The following TGFBRAP1 variants were observed in gnomAD, a reference collection of about 807,000 sequenced individuals.
The protein encoded by TGFBRAP1 is transforming growth factor beta receptor associated protein 1, also known as transforming growth factor-beta receptor-associated protein 1.
In TGFBRAP1, 20 loss-of-function variants were observed where a neutral mutation model predicts 83.2. The observed-to-expected ratio is 0.24, with a 90% confidence interval of 0.17 to 0.35. TGFBRAP1 has a LOEUF of 0.35. TGFBRAP1 is among the 10% of genes least tolerant of loss of function. The probability of loss-of-function intolerance (pLI) is 1.00; values close to 1 mark genes in which losing one functional copy is unlikely to be tolerated. For synonymous variants in TGFBRAP1, 415 were observed against 459.8 expected (o/e 0.90, Z 1.25); for missense variants, 950 against 1,099.4 (o/e 0.86, Z 1.92).
In TGFBRAP1 at chr2:105,307,734, T is replaced by C. The variant is rs562380327; in HGVS notation, c.568A>G (p.Ile190Val). 2 of 1,614,096 alleles carry C rather than the reference T, an allele frequency of 1.2e-6. No individual in the cohort carries two copies. Among genetic ancestry groups the C allele is most frequent in the East Asian group, 4.5e-5 (2 of 44,862 alleles). ...GAGACGCCTGTGCTGTAATTGTGGATGATGTACTGAGTGGTCAGAGCCAGA... is the reference window on the plus strand; with the variant it reads ...GAGACGCCTGTGCTGTAATTGTGGACGATGTACTGAGTGGTCAGAGCCAGA... ...LCLALTTQYI[I>V]HNYSTGVSQD... is the part of the protein sequence containing the mutation. Residue 190 changes from isoleucine (I) to valine (V), a missense_variant, in exon 2 of 12, where the codon ATC becomes GTC. By Grantham distance (29) the Ile-to-Val change is conservative. Transcript: ENST00000393359.
the TGFBRAP1 span, among the ~76,000 whole-genome samples, chr2:105,256,617 C>T: frequency 6.6e-6 from 1 of 152,142 alleles, no homozygotes; most frequent in South Asian, 2.1e-4. Context: ...AATTTTAAGC[C>T]TGCCCCGCCC....
At chr2:105,280,325 G>A in intron 6 of TGFBRAP1, 57 bp downstream of exon 6, 3 of 1,542,046 alleles carry the variant, frequency 1.9e-6, no homozygotes, top group Non-Finnish European at 2.6e-6. Context: ...CCAGCAAAGA[G>A]CCTCAGTAAG....
chr2:105,275,332 C>G (rs1431710280), intron 8 of TGFBRAP1, among the ~76,000 whole-genome samples: 2 of 152,202 alleles, frequency 1.3e-5, no homozygotes, highest in Admixed American at 1.3e-4. Flanking sequence ...CTTGCCCCAG[C>G]AAGGGGATTC....
the TGFBRAP1 span, among the ~76,000 whole-genome samples, chr2:105,251,418 G>A: frequency 5.4e-5 from 8 of 149,176 alleles, no homozygotes; most frequent in Admixed American, 2.0e-4. Flanking sequence ...CTGCCCTGCC[G>A]CCCCGTCTGG....
chr2:105,290,677 T>C (rs1017555605), intron 4 of TGFBRAP1, among the ~76,000 whole-genome samples: 1 of 151,396 alleles, frequency 6.6e-6, no homozygotes, highest in Admixed American at 6.6e-5. Flanking sequence ...GTTTTCTTTG[T>C]GGATTCTGGG....
chr2:105,308,067 C>T lies in TGFBRAP1; in HGVS notation c.235G>A (p.Val79Met), dbSNP rs1168793919. 13 of 1,613,838 alleles carry T rather than the reference C, an allele frequency of 8.1e-6. No homozygotes were observed. The highest frequency in any genetic ancestry group is 1.1e-5 in the South Asian group (1 of 91,080). Residue 79 changes from valine (V) to methionine (M), a missense_variant, in exon 2 of 12, where the codon GTG becomes ATG. Coordinates refer to ENST00000393359, the MANE Select transcript of TGFBRAP1 (RefSeq NM_004257.6). Reference protein sequence around the residue: ...LQRHLGFKKPVNELRAASALN... With the variant: ...LQRHLGFKKPMNELRAASALN... ...GCTGAGGCCGCACGCAGCTCGTTCA[C>T]GGGCTTCTTGAAGCCCAAGTGTCTC...
chr2:105,255,764 CAAAGCCCACTG>C, the TGFBRAP1 span, among the ~76,000 whole-genome samples: 2 of 152,176 alleles, frequency 1.3e-5, no homozygotes, highest in African/African-American at 4.8e-5. Context: ...CCCTGCACCC[CAAAGCCCACTG>C]AAATCAAACC....
chr2:105,307,291 T>C (rs368967191), intron 2 of TGFBRAP1, among the ~76,000 whole-genome samples: 2 of 152,220 alleles, frequency 1.3e-5, no homozygotes, highest in African/African-American at 4.8e-5. Context: ...CTGCTATCTC[T>C]GAATTGTCTC....
chr2:105,316,726 A>C (rs917416854), intron 1 of TGFBRAP1, among the ~76,000 whole-genome samples: 2 of 151,826 alleles, frequency 1.3e-5, no homozygotes, highest in African/African-American at 4.8e-5. Context: ...ATGCAGGAGA[A>C]TCGTTTGAAC....
chr2:105,322,767 G>T (rs895804705), intron 1 of TGFBRAP1, among the ~76,000 whole-genome samples: 1 of 152,178 alleles, frequency 6.6e-6, no homozygotes, highest in African/African-American at 2.4e-5. Context: ...ATGTTCATAT[G>T]ATGACAAAAT....
chr2:105,276,607 A>AT (rs1379406859), intron 7 of TGFBRAP1, among the ~76,000 whole-genome samples: 1 of 152,218 alleles, frequency 6.6e-6, no homozygotes, highest in Non-Finnish European at 1.5e-5. Flanking sequence ...GATTTATCCC[A>AT]TATCACTTCA....
At chr2:105,251,920 T>C in the TGFBRAP1 span, among the ~76,000 whole-genome samples, 295 of 149,872 alleles carry the variant, frequency 2.0e-3, 1 homozygote, top group Middle Eastern at 6.8e-3. Flanking sequence ...CAAGATGTGC[T>C]TTGTTAAACA....
At position 105,296,466 on chromosome 2, in the gene TGFBRAP1, G is replaced by T. The variant is rs1678092277; in HGVS notation, c.928C>A (p.Pro310Thr). 6.2e-7 allele frequency: 1 copy of T among 1,613,994 alleles called. No homozygotes were observed. The highest frequency in any genetic ancestry group is 1.3e-5 in the African/African-American group (1 of 75,020). ...TGTATTTGTTTTTCCAAAGGTAATG[G>T]AACCAAGATGTAAACTCCTTTACTT... ...ATSKGVYILV[P>T]LPLEKQIQDL... is the part of the protein sequence containing the mutation. The change falls in exon 4 of 12, where the codon CCA (proline) becomes ACA (threonine). Residue 310 changes from proline (P) to threonine (T), a missense_variant. Transcript: ENST00000393359.
At chr2:105,257,608 A>T in the TGFBRAP1 span, among the ~76,000 whole-genome samples, 1 of 151,942 alleles carries the variant, frequency 6.6e-6, no homozygotes, top group Non-Finnish European at 1.5e-5. Context: ...CCTTTTTCAC[A>T]CTGAATAATA....
intron 1 of TGFBRAP1, among the ~76,000 whole-genome samples, chr2:105,310,458 C>T (rs1678654559): frequency 2.6e-5 from 4 of 152,090 alleles, no homozygotes; most frequent in Admixed American, 2.6e-4. Flanking sequence ...CCTGCCCCAC[C>T]CCTAAGACAT....
At chr2:105,275,463 A>T (rs930660014) in intron 8 of TGFBRAP1, 97 bp downstream of exon 8, 1 of 1,514,276 alleles carries the variant, frequency 6.6e-7, no homozygotes, top group Non-Finnish European at 8.8e-7. Context: ...GGAGGTTGAA[A>T]TGTAGCTTTC....
chr2:105,274,343 GGGAGGTTCTATCA>G (rs1412260111), intron 8 of TGFBRAP1, among the ~76,000 whole-genome samples: 2 of 152,156 alleles, frequency 1.3e-5, no homozygotes, highest in African/African-American at 4.8e-5. Context: ...ACTTACATGT[GGGAGGTTCTATCA>G]TGTGCACGCA....
chr2:105,321,049 G>A (rs1679043941), intron 1 of TGFBRAP1, among the ~76,000 whole-genome samples: 1 of 152,206 alleles, frequency 6.6e-6, no homozygotes, highest in Admixed American at 6.5e-5. Flanking sequence ...CCACACACTG[G>A]ACTTCCTCTG....
chr2:105,284,662 T>C (rs1455977868), intron 4 of TGFBRAP1, among the ~76,000 whole-genome samples: 2 of 152,190 alleles, frequency 1.3e-5, no homozygotes, highest in Admixed American at 1.3e-4. Flanking sequence ...GTCCCTGTAC[T>C]TGTGATTGCT....
Sources: allele counts gnomAD v4.1 joint callset (sites outside exome capture counted in the v4.1 genomes callset), GRCh38; gene constraint gnomAD v4.1.1; transcripts MANE v1.5; gene names NCBI Gene and HGNC (gene_info 2026-07-23, HGNC 2026-07-21).